The following POLR3A variants were observed in gnomAD, a reference collection of about 807,000 sequenced individuals.
The protein encoded by POLR3A is RNA polymerase III subunit A.
Under a neutral mutation model 152.8 loss-of-function variants are expected in POLR3A, and 112 were observed. The ratio of observed to expected loss-of-function variants is 0.73; its 90% CI spans 0.63 to 0.86. The LOEUF is 0.86. POLR3A is among the 40% of genes least tolerant of loss of function. POLR3A has a pLI of 0.00. For synonymous variants in POLR3A, 615 were observed against 652.1 expected, an observed-to-expected ratio of 0.94 and a Z score of 0.87; for missense variants, 1,385 against 1,743.1, an observed-to-expected ratio of 0.79 and a Z score of 3.66.
intron 1 of POLR3A, among the ~76,000 whole-genome samples, 176 bp downstream of exon 1, chr10:78,029,188 G>A (rs1160262608): frequency 6.6e-6 from 1 of 152,152 alleles, no homozygotes; most frequent in African/African-American, 2.4e-5. Context: ...AATCCCCTCA[G>A]CCTGACCAAT....
chr10:77,978,239 A>T (rs1224257183), intron 30 of POLR3A, among the ~76,000 whole-genome samples: 2 of 152,206 alleles, frequency 1.3e-5, no homozygotes, highest in African/African-American at 2.4e-5. Flanking sequence ...TCCAAGCCCC[A>T]TGTCAACCTG....
At chr10:78,024,839 C>A in intron 4 of POLR3A, 132 bp downstream of exon 4, 1 of 1,332,008 alleles carries the variant, frequency 7.5e-7, no homozygotes, top group Middle Eastern at 2.4e-4. Context: ...AATAGGACAT[C>A]AGTTGTTGGG....
At chr10:77,980,092 T>C (rs2131925403) in intron 30 of POLR3A, 49 bp downstream of exon 30, 1 of 1,574,334 alleles carries the variant, frequency 6.4e-7, no homozygotes, top group Non-Finnish European at 8.7e-7. Context: ...ATGGTCTATT[T>C]GTAAATAGTA....
chr10:78,019,745 C>T (rs1030180032), intron 8 of POLR3A: 1 of 190,258 alleles, frequency 5.3e-6, no homozygotes, highest in African/African-American at 2.4e-5. Flanking sequence ...TCATTAGTAA[C>T]TCAACTGAGG....
intron 5 of POLR3A, 100 bp downstream of exon 5, chr10:78,024,449 T>C: frequency 8.3e-7 from 1 of 1,198,296 alleles, no homozygotes. Context: ...AAAGTGGGTG[T>C]CTAGGGGTGG....
At chr10:78,001,496 G>C (rs548289456) in intron 17 of POLR3A, among the ~76,000 whole-genome samples, 17 of 152,238 alleles carry the variant, frequency 1.1e-4, no homozygotes, top group South Asian at 2.1e-4. Flanking sequence ...CTGAGGGTAG[G>C]AAGCAGGAGA....
At chr10:78,006,798 G>C (rs1345259030) in intron 15 of POLR3A, among the ~76,000 whole-genome samples, 3 of 152,140 alleles carry the variant, frequency 2.0e-5, no homozygotes, top group Admixed American at 1.3e-4. Context: ...AGAACAGAGA[G>C]GATTCTGAAA....
intron 7 of POLR3A, 60 bp downstream of exon 7, chr10:78,021,800 C>T: frequency 6.2e-7 from 1 of 1,611,098 alleles, no homozygotes; most frequent in South Asian, 1.1e-5. Flanking sequence ...TGGACAGACA[C>T]TCCTGAAAAA....
chr10:78,017,323 C>G (rs983123578), intron 10 of POLR3A, among the ~76,000 whole-genome samples: 1 of 151,894 alleles, frequency 6.6e-6, no homozygotes, highest in African/African-American at 2.4e-5. Flanking sequence ...GGCACATGTC[C>G]GTGGTCCCAG....
intron 9 of POLR3A, 137 bp from the exon 10 acceptor site, chr10:78,017,853 T>C (rs2131955552): frequency 8.7e-6 from 9 of 1,040,084 alleles, no homozygotes; most frequent in Non-Finnish European, 1.3e-5. Context: ...TCATATAGTT[T>C]TATGTGCCAA....
In POLR3A at chr10:77,989,146, A is replaced by G. The variant is rs113683015; in HGVS notation, c.2901+1908T>C. Among the ~76,000 whole-genome samples, 283 of 152,346 alleles carry G rather than the reference A, an allele frequency of 1.9e-3. 1 individual carries two copies. The highest frequency in any genetic ancestry group is 6.4e-3 in the African/African-American group (268 of 41,580). ...ACTTTTTGGAAATGAAAACTGAAACAATCTGCTAAAAATTCACACTGAGTC... is the reference window on the plus strand; with the variant it reads ...ACTTTTTGGAAATGAAAACTGAAACGATCTGCTAAAAATTCACACTGAGTC... On this transcript the variant is annotated intron_variant, in intron 21 of 30. Coordinates refer to ENST00000372371, the MANE Select transcript of POLR3A (RefSeq NM_007055.4).
At position 78,006,767 on chromosome 10, in the gene POLR3A, T is replaced by G. The variant is rs181017864; in HGVS notation, c.2074+935A>C. ...AAAAAAGACCCACACCAAAGGTATATTGTTGTGAACTTTCACAGTGAGAAC... is the reference window on the plus strand; with the variant it reads ...AAAAAAGACCCACACCAAAGGTATAGTGTTGTGAACTTTCACAGTGAGAAC... On this transcript the variant is annotated intron_variant, in intron 15 of 30. Transcript: ENST00000372371. Among the ~76,000 whole-genome samples, 616 of 152,300 alleles carry G rather than the reference T, an allele frequency of 4.0e-3. 1 individual carries two copies. The highest frequency in any genetic ancestry group is 0.014 in the African/African-American group (588 of 41,552).
At chr10:78,010,048 G>C in intron 12 of POLR3A, 57 bp from the exon 13 acceptor site, 1 of 1,602,438 alleles carries the variant, frequency 6.2e-7, no homozygotes, top group Non-Finnish European at 8.5e-7. Context: ...TGAGAATACT[G>C]CAAGGTTTCA....
intron 19 of POLR3A, among the ~76,000 whole-genome samples, chr10:77,996,897 G>C (rs1160264964): frequency 2.0e-5 from 3 of 152,058 alleles, no homozygotes; most frequent in African/African-American, 7.2e-5. Context: ...GATGAACATC[G>C]ATGCAAAAAT....
intron 14 of POLR3A, 86 bp downstream of exon 14, chr10:78,009,451 C>G: frequency 1.3e-6 from 2 of 1,577,832 alleles, no homozygotes; most frequent in African/African-American, 2.7e-5. Flanking sequence ...TTGCTTGCTT[C>G]GCGAAGGTAC....
At chr10:78,011,910 C>T (rs1847470241) in intron 11 of POLR3A, among the ~76,000 whole-genome samples, 1 of 152,116 alleles carries the variant, frequency 6.6e-6, no homozygotes, top group Admixed American at 6.6e-5. Flanking sequence ...CATTTGTAAC[C>T]AATGAAATAT....
At chr10:78,007,084 A>C (rs1847418956) in intron 15 of POLR3A, among the ~76,000 whole-genome samples, 2 of 152,216 alleles carry the variant, frequency 1.3e-5, no homozygotes, top group Non-Finnish European at 2.9e-5. Context: ...AAAACAAAAA[A>C]AAATCAAATA....
At chr10:78,001,778 G>C (rs1318533799) in intron 17 of POLR3A, among the ~76,000 whole-genome samples, 1 of 152,136 alleles carries the variant, frequency 6.6e-6, no homozygotes, top group Non-Finnish European at 1.5e-5. Flanking sequence ...TGGGACGACA[G>C]GCACAAGCCA....
At chr10:78,018,495 T>C (rs907680589) in intron 9 of POLR3A, among the ~76,000 whole-genome samples, 1 of 149,626 alleles carries the variant, frequency 6.7e-6, no homozygotes, top group Non-Finnish European at 1.5e-5. Flanking sequence ...CAAGACTCTG[T>C]CTTGAAAAAA....
Sources: gnomAD v4.1 joint callset for allele counts (sites outside exome capture counted in the v4.1 genomes callset) on GRCh38, gnomAD v4.1.1 for gene constraint, MANE v1.5 for transcripts, NCBI Gene and HGNC (gene_info 2026-07-23, HGNC 2026-07-21) for gene names.